The following PPP1R16B variants were observed in gnomAD, a reference collection of about 807,000 sequenced individuals.
PPP1R16B encodes the protein protein phosphatase 1 regulatory inhibitor subunit 16B.
A neutral mutation model predicts 61.7 loss-of-function variants in PPP1R16B; 14 were observed. The observed-to-expected ratio is 0.23, with a 90% CI of 0.15 to 0.35. The LOEUF is 0.35. Ranked by LOEUF, PPP1R16B falls within the 10% of genes least tolerant of loss-of-function variation. The pLI is 1.00. For synonymous variants in PPP1R16B, 266 were observed against 305.3 expected, an observed-to-expected ratio of 0.87 and a Z score of 1.34; for missense variants, 547 against 752.5, an observed-to-expected ratio of 0.73 and a Z score of 3.19.
intron 1 of PPP1R16B, among the ~76,000 whole-genome samples, chr20:38,828,947 G>C (rs1191501240): frequency 6.6e-6 from 1 of 152,146 alleles, no homozygotes; most frequent in Admixed American, 6.5e-5. Flanking sequence ...CTACTCCCCT[G>C]CCATATTTTG....
At chr20:38,866,232 G>A (rs1216706945) in intron 2 of PPP1R16B, among the ~76,000 whole-genome samples, 1 of 152,166 alleles carries the variant, frequency 6.6e-6, no homozygotes, top group African/African-American at 2.4e-5. Context: ...ATGGGCCCCT[G>A]GGGAACAGAA....
chr20:38,903,573 CCG>C (rs2085414725), intron 6 of PPP1R16B, among the ~76,000 whole-genome samples: 2 of 75,956 alleles, frequency 2.6e-5, no homozygotes, highest in Non-Finnish European at 2.8e-5. Flanking sequence ...ATCCGTCCGT[CCG>C]TCCGTCCATC....
intron 2 of PPP1R16B, among the ~76,000 whole-genome samples, chr20:38,858,876 T>G (rs973410813): frequency 2.6e-5 from 4 of 152,228 alleles, no homozygotes; most frequent in Non-Finnish European, 5.9e-5. Context: ...GGGGAAAATT[T>G]GTCTCTGCTC....
At chr20:38,880,955 C>T (rs975623303) in intron 2 of PPP1R16B, among the ~76,000 whole-genome samples, 34 of 152,170 alleles carry the variant, frequency 2.2e-4, no homozygotes, top group Admixed American at 2.2e-3. Flanking sequence ...CTGATTTCCA[C>T]GCGTCTTCAC....
At chr20:38,894,068 T>C (rs1362431124) in intron 3 of PPP1R16B, among the ~76,000 whole-genome samples, 2 of 152,128 alleles carry the variant, frequency 1.3e-5, no homozygotes, top group Non-Finnish European at 2.9e-5. Flanking sequence ...CACCTTTCCC[T>C]GCCTGTCCGG....
At chr20:38,913,390 G>A (rs1336782409) in intron 10 of PPP1R16B, among the ~76,000 whole-genome samples, 2 of 150,022 alleles carry the variant, frequency 1.3e-5, no homozygotes, top group Non-Finnish European at 3.0e-5. Flanking sequence ...AGCCTCCTGA[G>A]TAGCTGGAAC....
intron 2 of PPP1R16B, among the ~76,000 whole-genome samples, chr20:38,845,523 G>A (rs1568660197): frequency 6.6e-6 from 1 of 152,322 alleles, no homozygotes; most frequent in East Asian, 1.9e-4. Flanking sequence ...TGTGAATTCA[G>A]CAAAATTAGT....
At chr20:38,853,541 T>G (rs1467873578) in intron 2 of PPP1R16B, among the ~76,000 whole-genome samples, 1 of 152,158 alleles carries the variant, frequency 6.6e-6, no homozygotes, top group Non-Finnish European at 1.5e-5. Flanking sequence ...ACCCCAAATT[T>G]CCTGGGCACC....
rs1412748927 is a variant in PPP1R16B, at chr20:38,902,568, T to C, written c.572-100T>C. The C allele has an allele frequency of 7.9e-6, 12 of 1,511,930 alleles. No homozygotes were observed. In the Admixed American group the frequency reaches 2.1e-4, roughly 26 times the overall value. The allele number at this position is 1,511,930 out of a possible 1,614,324, so 93.7% of individuals were successfully genotyped here. On this transcript the variant is annotated intron_variant, in intron 5 of 10. Transcript: ENST00000299824. ...TCTGCATGCCCGCTTGACTGGCATA[T>C]CCTAGGGAACAAGAGCCATGCCTCC...
chr20:38,880,405 G>A lies in PPP1R16B; in HGVS notation c.251-9190G>A, dbSNP rs188039394. On this transcript the variant is annotated intron_variant, in intron 2 of 10. Coordinates refer to ENST00000299824, the MANE Select transcript of PPP1R16B (RefSeq NM_015568.4). ...GGCAGGGCTGGGTGTGGTGGCTCAC[G>A]CTTGTAATCCCAGCCCTTTGGGAGG... Among the ~76,000 whole-genome samples the A allele has an allele frequency of 3.8e-3, 572 of 152,318 alleles. 2 individuals are homozygous for A. The highest frequency in any genetic ancestry group is 0.013 in the African/African-American group (531 of 41,580).
chr20:38,842,540 T>C (rs1419528425), intron 2 of PPP1R16B, among the ~76,000 whole-genome samples: 1 of 152,230 alleles, frequency 6.6e-6, no homozygotes. Context: ...TTTTTCTCAC[T>C]GTAAAAGTTT....
intron 2 of PPP1R16B, among the ~76,000 whole-genome samples, chr20:38,845,592 A>G (rs988213128): frequency 8.5e-5 from 13 of 152,172 alleles, no homozygotes; most frequent in African/African-American, 3.1e-4. Context: ...TTGGGCTCAG[A>G]CCTGAATGTG....
intron 2 of PPP1R16B, among the ~76,000 whole-genome samples, chr20:38,889,262 T>C (rs939789326): frequency 2.6e-5 from 4 of 152,204 alleles, no homozygotes; most frequent in Non-Finnish European, 4.4e-5. Context: ...GCACAGCCAA[T>C]GAGAATGGTG....
rs938340638 is a variant in PPP1R16B, at chr20:38,906,199, G to T, written c.822+105G>T. Reference sequence around the variant, plus strand: ...GTTTTCAAAGAACATAAGACTTTAAGGCTTAAGGTGTTGAATATAGCTCAT... The same window carrying T: ...GTTTTCAAAGAACATAAGACTTTAATGCTTAAGGTGTTGAATATAGCTCAT... On this transcript the variant is annotated intron_variant, in intron 7 of 10. Coordinates refer to ENST00000299824, the MANE Select transcript of PPP1R16B (RefSeq NM_015568.4). 7.0e-6 allele frequency: 9 copies of T among 1,293,236 alleles called. No homozygotes were observed. In the Admixed American group the frequency reaches 7.6e-5, roughly 11 times the overall value. 80.1% of individuals were successfully genotyped at this position (1,293,236 alleles called of 1,614,324 possible).
At chr20:38,887,311 TTG>T (rs1266758837) in intron 2 of PPP1R16B, among the ~76,000 whole-genome samples, 3 of 152,184 alleles carry the variant, frequency 2.0e-5, no homozygotes, top group Admixed American at 2.0e-4. Flanking sequence ...GCTGAGCAAG[TTG>T]TGTACTGGAC....
At chr20:38,891,897 CTG>C (rs2085295232) in intron 3 of PPP1R16B, among the ~76,000 whole-genome samples, 1 of 152,080 alleles carries the variant, frequency 6.6e-6, no homozygotes, top group South Asian at 2.1e-4. Context: ...TGGAAATGTT[CTG>C]TGTTTCTGCA....
intron 6 of PPP1R16B, among the ~76,000 whole-genome samples, chr20:38,903,920 T>A (rs1601307167): frequency 6.6e-6 from 1 of 152,074 alleles, no homozygotes; most frequent in African/African-American, 2.4e-5. Context: ...GGGGGGTGGG[T>A]GCCCTGTCCC....
At chr20:38,887,638 G>A (rs1161009702) in intron 2 of PPP1R16B, among the ~76,000 whole-genome samples, 1 of 152,224 alleles carries the variant, frequency 6.6e-6, no homozygotes, top group Non-Finnish European at 1.5e-5. Flanking sequence ...GCATGCCTGA[G>A]AAACTAAATT....
intron 1 of PPP1R16B, among the ~76,000 whole-genome samples, chr20:38,819,981 C>A (rs1305591559): frequency 1.3e-5 from 2 of 152,142 alleles, no homozygotes; most frequent in African/African-American, 2.4e-5. Flanking sequence ...CCTGAAACCA[C>A]ATAGATTAGT....
Sources: allele counts gnomAD v4.1 joint callset (sites outside exome capture counted in the v4.1 genomes callset), GRCh38; gene constraint gnomAD v4.1.1; transcripts MANE v1.5; gene names NCBI Gene and HGNC (gene_info 2026-07-23, HGNC 2026-07-21).